Variants in BABAM2 observed in about 807,000 individuals in gnomAD.
BABAM2 encodes BRISC and BRCA1-A complex member 2.
BABAM2 carries 31 observed loss-of-function variants against 54.7 expected under a neutral mutation model. The observed-to-expected ratio is 0.57, with a 90% CI of 0.43 to 0.77. The LOEUF is 0.77. Ranked by LOEUF, BABAM2 falls within the 30% of genes least tolerant of loss-of-function variation. BABAM2 has a pLI of 0.00. For missense variants in BABAM2, 364 were observed against 455.8 expected, an observed-to-expected ratio of 0.80 and a Z score of 1.83; for synonymous variants, 167 against 162.9, an observed-to-expected ratio of 1.03 and a Z score of -0.19.
chr2:28,213,788 G>A lies in BABAM2; in HGVS notation c.681-23414G>A, dbSNP rs1402228442. On this transcript the variant is annotated intron_variant, in intron 7 of 11. Coordinates refer to ENST00000379624, the MANE Select transcript of BABAM2 (RefSeq NM_199191.3). ...TTGTTGTTTCTTTCTTCCTTTACTG[G>A]AACTCATGCTTGGTTCTATCATTGA... Among the ~76,000 whole-genome samples, 9 of 151,894 alleles carry A rather than the reference G, an allele frequency of 5.9e-5. 1 individual carries two copies. In the South Asian group the frequency reaches 1.5e-3, roughly 25 times the overall value.
intron 2 of BABAM2, among the ~76,000 whole-genome samples, chr2:27,922,056 A>G (rs995361941): frequency 6.6e-6 from 1 of 152,070 alleles, no homozygotes; most frequent in Non-Finnish European, 1.5e-5. Context: ...GACACTGGAG[A>G]TTTAAAGATG....
chr2:28,239,075 TG>T (rs1682175115), intron 8 of BABAM2, among the ~76,000 whole-genome samples: 2 of 152,228 alleles, frequency 1.3e-5, no homozygotes, highest in African/African-American at 4.8e-5. Context: ...AATGGTTTTC[TG>T]TTTTTAAAAT....
chr2:27,932,004 TC>T (rs1218583639), intron 3 of BABAM2, among the ~76,000 whole-genome samples: 2 of 152,238 alleles, frequency 1.3e-5, no homozygotes, highest in African/African-American at 4.8e-5. Context: ...GGAGGCCTGT[TC>T]CTGCATAATT....
Position 28,026,863 on chromosome 2 carries a change from G to T in BABAM2, c.495+1443G>T, listed in dbSNP as rs13421446. ...ATATAAATATATATTTATATATATA[G>T]ATATATATATTTATATATATATAGA... On this transcript the variant is annotated intron_variant, in intron 5 of 11. Coordinates refer to ENST00000379624, the MANE Select transcript of BABAM2 (RefSeq NM_199191.3). 6.4e-3 allele frequency among the ~76,000 whole-genome samples: 178 copies of T among 27,968 alleles called. 3 individuals carry two copies. Among genetic ancestry groups the T allele is most frequent in the South Asian group, 0.015 (18 of 1,196 alleles). The allele number at this position is 27,968 out of a possible 152,430, so 18.3% of individuals were successfully genotyped here.
chr2:28,286,830 C>T (rs1474471391), intron 10 of BABAM2, among the ~76,000 whole-genome samples: 3 of 152,144 alleles, frequency 2.0e-5, no homozygotes, highest in Non-Finnish European at 4.4e-5. Context: ...GTTGGCCTTA[C>T]TCAGCTGGGT....
chr2:28,297,059 A>C (rs981538917), intron 10 of BABAM2, among the ~76,000 whole-genome samples: 6 of 152,204 alleles, frequency 3.9e-5, no homozygotes, highest in African/African-American at 1.4e-4. Context: ...TACATACTTC[A>C]TAATGACAAC....
chr2:28,155,607 T>C (rs533607995), intron 7 of BABAM2, among the ~76,000 whole-genome samples: 2 of 152,322 alleles, frequency 1.3e-5, no homozygotes, highest in Non-Finnish European at 2.9e-5. Flanking sequence ...AATGATTTCT[T>C]ATTCAAAACA....
intron 6 of BABAM2, among the ~76,000 whole-genome samples, chr2:28,112,147 T>TTCCCTCCCTCCC (rs1558346715): frequency 5.7e-4 from 3 of 5,240 alleles, no homozygotes; most frequent in Admixed American, 2.4e-3. Flanking sequence ...CTTTCTTTCT[T>TTCCCTCCCTCCC]TACCTCCCTC....
At chr2:28,303,399 A>G (rs186871138) in intron 11 of BABAM2, among the ~76,000 whole-genome samples, 1 of 152,168 alleles carries the variant, frequency 6.6e-6, no homozygotes, top group Admixed American at 6.5e-5. Flanking sequence ...TTTTTTGTTC[A>G]TATGTATCCA....
intron 7 of BABAM2, among the ~76,000 whole-genome samples, chr2:28,228,668 A>AT (rs1012366156): frequency 1.9e-4 from 29 of 152,124 alleles, no homozygotes; most frequent in African/African-American, 6.3e-4. Context: ...GAAAAAAAAA[A>AT]CTTTTCTTCC....
At chr2:27,930,729 C>G (rs1668032425) in intron 3 of BABAM2, among the ~76,000 whole-genome samples, 1 of 152,130 alleles carries the variant, frequency 6.6e-6, no homozygotes, top group East Asian at 1.9e-4. Context: ...GGACTTAGCC[C>G]ATCAGCTACA....
chr2:27,976,281 C>T (rs1671596376), intron 3 of BABAM2, among the ~76,000 whole-genome samples: 1 of 152,078 alleles, frequency 6.6e-6, no homozygotes, highest in Admixed American at 6.5e-5. Context: ...CATTCATAAT[C>T]ATCACAAACT....
chr2:28,280,251 G>A (rs1368443180), intron 10 of BABAM2, among the ~76,000 whole-genome samples: 2 of 151,386 alleles, frequency 1.3e-5, no homozygotes, highest in Non-Finnish European at 2.9e-5. Flanking sequence ...TGTAGAGATG[G>A]GATCTTGCCA....
chr2:27,922,241 A>G (rs1667392555), intron 2 of BABAM2, among the ~76,000 whole-genome samples: 1 of 152,230 alleles, frequency 6.6e-6, no homozygotes, highest in Non-Finnish European at 1.5e-5. Context: ...GATACTTAGC[A>G]CTGTGCTAGG....
chr2:28,071,002 C>G (rs548746578), intron 6 of BABAM2, among the ~76,000 whole-genome samples: 1 of 152,124 alleles, frequency 6.6e-6, no homozygotes, highest in African/African-American at 2.4e-5. Flanking sequence ...CGCCCCCGCC[C>G]CCAGCCTCAG....
In BABAM2 at chr2:27,910,073, C is replaced by T. The variant is rs569397790; in HGVS notation, c.128+15389C>T. ...CTAAGCCATTCCATCTATAACAGTTCTCCCTTGTTCTTTTCTGTATCAGAA... is the reference window on the plus strand; with the variant it reads ...CTAAGCCATTCCATCTATAACAGTTTTCCCTTGTTCTTTTCTGTATCAGAA... On this transcript the variant is annotated intron_variant, in intron 2 of 11. Transcript: ENST00000379624. Among the ~76,000 whole-genome samples, 4 of 152,294 alleles carry T rather than the reference C, an allele frequency of 2.6e-5. No homozygotes were observed. In the South Asian group the frequency reaches 8.3e-4, roughly 32 times the overall value.
At chr2:27,946,417 A>G (rs1669300586) in intron 3 of BABAM2, among the ~76,000 whole-genome samples, 1 of 152,164 alleles carries the variant, frequency 6.6e-6, no homozygotes, top group Admixed American at 6.5e-5. Context: ...TTTTTAAAGA[A>G]CTTTGCATTT....
At chr2:28,207,418 A>T (rs1460704980) in intron 7 of BABAM2, among the ~76,000 whole-genome samples, 3 of 151,882 alleles carry the variant, frequency 2.0e-5, no homozygotes, top group Non-Finnish European at 4.4e-5. Context: ...AACATTAGCT[A>T]GGAGTGATGG....
chr2:28,071,878 G>T (rs1176838038), intron 6 of BABAM2, among the ~76,000 whole-genome samples: 1 of 152,178 alleles, frequency 6.6e-6, no homozygotes, highest in East Asian at 1.9e-4. Context: ...TCTTTGGCCA[G>T]CTGTAGCCTC....
Sources: gnomAD v4.1 joint callset for allele counts (sites outside exome capture counted in the v4.1 genomes callset) on GRCh38, gnomAD v4.1.1 for gene constraint, MANE v1.5 for transcripts, NCBI Gene and HGNC (gene_info 2026-07-23, HGNC 2026-07-21) for gene names.